The following TENM4 variants were observed in gnomAD, a reference collection of about 807,000 sequenced individuals.
TENM4 encodes the protein teneurin-4.
TENM4 carries 82 observed loss-of-function variants against 243.3 expected under a neutral mutation model. The ratio of observed to expected loss-of-function variants is 0.34; its 90% CI spans 0.28 to 0.40. TENM4 has a LOEUF of 0.40. TENM4 is among the 10% of genes least tolerant of loss of function. The pLI is 1.00. For missense variants in TENM4, 3,138 were observed against 3,673.3 expected (o/e 0.85, Z 3.77); for synonymous variants, 1,412 against 1,456.3 (o/e 0.97, Z 0.69).
At chr11:78,954,654 T>TTATGGCAAGTCATACACTTGCCA (rs1450747624) in intron 6 of TENM4, among the ~76,000 whole-genome samples, 1 of 152,186 alleles carries the variant, frequency 6.6e-6, no homozygotes, top group African/African-American at 2.4e-5. Flanking sequence ...TACCTTCTAT[T>TTATGGCAAGTCATACACTTGCCA]TATGGCAAGT....
At chr11:78,879,798 C>G (rs1315319283) in intron 9 of TENM4, among the ~76,000 whole-genome samples, 2 of 152,058 alleles carry the variant, frequency 1.3e-5, no homozygotes, top group African/African-American at 4.8e-5. Flanking sequence ...AGGAGCGCCT[C>G]TGCCCGGACA....
intron 3 of TENM4, among the ~76,000 whole-genome samples, chr11:79,169,883 A>G (rs1863000424): frequency 6.6e-6 from 1 of 152,200 alleles, no homozygotes; most frequent in African/African-American, 2.4e-5. Context: ...TAGAGTAAGA[A>G]ATCTCTCTAG....
At chr11:78,718,577 G>A (rs1020178314) in intron 25 of TENM4, among the ~76,000 whole-genome samples, 33 of 152,270 alleles carry the variant, frequency 2.2e-4, no homozygotes, top group Admixed American at 7.2e-4. Context: ...TGTGTCCTTT[G>A]CAGCCGCCAC....
chr11:79,294,776 G>T (rs1042212291), intron 2 of TENM4, among the ~76,000 whole-genome samples: 1 of 152,088 alleles, frequency 6.6e-6, no homozygotes, highest in Non-Finnish European at 1.5e-5. Context: ...TTGAACCTGG[G>T]AGGTAGAGGT....
At chr11:79,063,476 C>T (rs1227741387) in intron 6 of TENM4, among the ~76,000 whole-genome samples, 1 of 135,798 alleles carries the variant, frequency 7.4e-6, no homozygotes, top group Non-Finnish European at 1.7e-5. Context: ...CACCAGCAGG[C>T]CTCCTCTTCA....
chr11:79,046,447 C>T (rs1473668123), intron 6 of TENM4, among the ~76,000 whole-genome samples: 1 of 149,364 alleles, frequency 6.7e-6, no homozygotes, highest in Admixed American at 6.6e-5. Flanking sequence ...GATGAACTCT[C>T]CCCCCCAAAA....
At position 78,805,321 on chromosome 11, in the gene TENM4, G is replaced by C. The variant is rs756479952; in HGVS notation, c.2150C>G (p.Pro717Arg). ...AGAACAGTCGTGTCCAGTCCAGCTT[G>C]GGTCACAGCTGCAAAGCCCGGTGTC... is the stretch of plus-strand genomic sequence containing the variant. Reference protein sequence around the residue: ...LPDTGLCSCDPSWTGHDCSIE... With the variant: ...LPDTGLCSCDRSWTGHDCSIE... The change falls in exon 15 of 34, where the codon CCA becomes CGA. Residue 717 changes from proline to arginine, a missense_variant. Pro to Arg is a moderately radical substitution (Grantham distance 103). Coordinates refer to ENST00000278550, the MANE Select transcript of TENM4 (RefSeq NM_001098816.3). 48 of 1,028,100 alleles carry C rather than the reference G, an allele frequency of 4.7e-5. No homozygotes were observed. In the Admixed American group the frequency reaches 1.7e-3, roughly 36 times the overall value. The allele number at this position is 1,028,100 out of a possible 1,614,324, so 63.7% of individuals were successfully genotyped here. A position where few individuals can be genotyped will look rare whatever the true frequency, so the allele number is the denominator to read the frequency against.
intron 5 of TENM4, among the ~76,000 whole-genome samples, chr11:79,067,690 G>A (rs557292190): frequency 6.6e-6 from 1 of 152,318 alleles, no homozygotes; most frequent in East Asian, 1.9e-4. Flanking sequence ...TGATCCTGTT[G>A]AGCCAGTCAG....
intron 4 of TENM4, among the ~76,000 whole-genome samples, chr11:79,106,227 C>T (rs1861364036): frequency 6.6e-6 from 1 of 152,202 alleles, no homozygotes; most frequent in Non-Finnish European, 1.5e-5. Flanking sequence ...AGCGCCAGAG[C>T]ATAGCTACCT....
chr11:78,856,098 T>A lies in TENM4; in HGVS notation c.1336A>T (p.Ile446Phe), dbSNP rs1343914757. The change falls in exon 11 of 34, where the codon ATT (isoleucine) becomes TTT (phenylalanine). Residue 446 changes from isoleucine (I) to phenylalanine (F), a missense_variant. Physicochemically the swap from Ile to Phe is conservative, Grantham distance 21. Coordinates refer to ENST00000278550, the MANE Select transcript of TENM4 (RefSeq NM_001098816.3). Reference protein sequence around the residue: ...IDVGRRASQKIPPGTFWRSQV... With the variant: ...IDVGRRASQKFPPGTFWRSQV... ...GATCTCCAGAAAGTGCCAGGAGGAA[T>A]CTTCTGGGAAGCTCGCCTTCCCACA... 25 of 1,551,554 alleles carry A rather than the reference T, an allele frequency of 1.6e-5. No homozygotes were observed. The highest frequency in any genetic ancestry group is 2.1e-5 in the Non-Finnish European group (24 of 1,146,986).
At position 78,805,277 on chromosome 11, in the gene TENM4, T is replaced by TGCCCCCCCCACCCCCCCCCC; in HGVS notation, c.2179+14_2179+15insGGGGGGGGGGTGGGGGGGGC. On this transcript the variant is annotated intron_variant, in intron 15 of 33. Transcript: ENST00000278550. ...CCCCTCCCTCTACCCATGCTTCTTCTCCCCCTGCATTTACCGATAGAACAG... is the reference window on the plus strand; with the variant it reads ...CCCCTCCCTCTACCCATGCTTCTTCTGCCCCCCCCACCCCCCCCCCCCCCCTGCATTTACCGATAGAACAG... 1.4e-6 allele frequency: 2 copies of TGCCCCCCCCACCCCCCCCCC among 1,402,548 alleles called. No homozygotes were observed. Among genetic ancestry groups the TGCCCCCCCCACCCCCCCCCC allele is most frequent in the Non-Finnish European group, 1.9e-6 (2 of 1,033,114 alleles). The allele number at this position is 1,402,548 out of a possible 1,614,324, so 86.9% of individuals were successfully genotyped here. A position where few individuals can be genotyped will look rare whatever the true frequency, so the allele number is the denominator to read the frequency against.
At chr11:78,850,604 T>A (rs1373550945) in intron 12 of TENM4, among the ~76,000 whole-genome samples, 2 of 152,186 alleles carry the variant, frequency 1.3e-5, no homozygotes, top group African/African-American at 4.8e-5. Context: ...ATCAGTCTGT[T>A]TTTGTATTAG....
At chr11:78,739,417 C>T (rs917690916) in intron 19 of TENM4, among the ~76,000 whole-genome samples, 30 of 152,190 alleles carry the variant, frequency 2.0e-4, no homozygotes, top group African/African-American at 6.3e-4. Flanking sequence ...TTCCTCTCTC[C>T]CACAAAACCT....
At chr11:79,285,615 C>A (rs933662187) in intron 2 of TENM4, among the ~76,000 whole-genome samples, 4 of 151,966 alleles carry the variant, frequency 2.6e-5, no homozygotes, top group Admixed American at 2.6e-4. Context: ...TAATGCCCAT[C>A]AACTGATAAA....
chr11:79,300,554 T>G (rs1321181231), intron 1 of TENM4, among the ~76,000 whole-genome samples: 1 of 152,234 alleles, frequency 6.6e-6, no homozygotes, highest in East Asian at 1.9e-4. Context: ...GTATCACTTG[T>G]CATTTTACCA....
chr11:79,150,579 C>A (rs1381440547), intron 3 of TENM4, among the ~76,000 whole-genome samples: 1 of 152,158 alleles, frequency 6.6e-6, no homozygotes, highest in Non-Finnish European at 1.5e-5. Flanking sequence ...TGGCTTTCAG[C>A]CTCTTTCTTT....
At chr11:78,740,627 G>T in intron 19 of TENM4, among the ~76,000 whole-genome samples, 1 of 152,306 alleles carries the variant, frequency 6.6e-6, no homozygotes, top group South Asian at 2.1e-4. Flanking sequence ...ATTGAATTTC[G>T]TATTGCTGGA....
At chr11:79,062,572 G>A (rs1860130860) in intron 6 of TENM4, among the ~76,000 whole-genome samples, 1 of 152,188 alleles carries the variant, frequency 6.6e-6, no homozygotes, top group South Asian at 2.1e-4. Flanking sequence ...AGTGGTTTAA[G>A]TTTGTTTGAT....
intron 6 of TENM4, chr11:79,021,875 G>T (rs1858937925): frequency 6.6e-6 from 1 of 152,168 alleles, no homozygotes; most frequent in African/African-American, 2.4e-5. Context: ...CAGCATACTG[G>T]CTTTTAAAGT....
Sources: allele counts gnomAD v4.1 joint callset (sites outside exome capture counted in the v4.1 genomes callset), GRCh38; gene constraint gnomAD v4.1.1; transcripts MANE v1.5; gene names NCBI Gene and HGNC (gene_info 2026-07-23, HGNC 2026-07-21).